PPFIA3: variants seen among roughly 807,000 people sequenced by gnomAD.
PPFIA3 encodes the protein PPFI scaffold protein A3, also known as liprin-alpha-3.
In PPFIA3, 26 loss-of-function variants were observed where a neutral mutation model predicts 145.8. That is an observed-to-expected ratio of 0.18 (90% CI 0.13 to 0.25). The LOEUF (loss-of-function observed/expected upper bound fraction) is 0.25. Ranked by LOEUF, PPFIA3 falls within the 10% of genes least tolerant of loss-of-function variation. The pLI, the probability that PPFIA3 is intolerant of heterozygous loss-of-function variation, is 1.00. For synonymous variants in PPFIA3, 645 were observed against 661.4 expected (o/e 0.98, Z 0.38); for missense variants, 1,008 against 1,587.8 (o/e 0.63, Z 6.21).
chr19:49,150,221 C>A lies in PPFIA3; in HGVS notation c.*14-15C>A. 1 of 1,363,368 alleles carries A rather than the reference C, an allele frequency of 7.3e-7. No homozygotes were observed. Among genetic ancestry groups the A allele is most frequent in the Non-Finnish European group, 1.0e-6 (1 of 988,246 alleles). 84.5% of individuals were successfully genotyped at this position (1,363,368 alleles called of 1,614,324 possible). A position where few individuals can be genotyped will look rare whatever the true frequency, so the allele number is the denominator to read the frequency against. On this transcript the variant is annotated splice_polypyrimidine_tract_variant and intron_variant, in intron 29 of 29. Coordinates refer to ENST00000334186, the MANE Select transcript of PPFIA3 (RefSeq NM_003660.4). ...TGGATCTTCACTGCTCCACGCGCTG[C>A]CCGGCGTCATGCAGGTGACCTCACT... is the stretch of plus-strand genomic sequence containing the variant.
intron 21 of PPFIA3, among the ~76,000 whole-genome samples, chr19:49,144,081 C>T (rs1047087709): frequency 2.6e-5 from 4 of 151,928 alleles, no homozygotes; most frequent in African/African-American, 9.7e-5. Flanking sequence ...CCTCGACTCA[C>T]TGCAACCTCT....
At chr19:49,139,182 G>C in intron 16 of PPFIA3, among the ~76,000 whole-genome samples, 1 of 152,106 alleles carries the variant, frequency 6.6e-6, no homozygotes, top group African/African-American at 2.4e-5. Flanking sequence ...AAAATTATCC[G>C]TGTATGGTGG....
intron 19 of PPFIA3, 99 bp downstream of exon 19, chr19:49,141,612 G>T: frequency 1.1e-6 from 1 of 933,110 alleles, no homozygotes; most frequent in Non-Finnish European, 1.6e-6. Context: ...GTGTGTGTGT[G>T]TGTGAGAGGG....
At chr19:49,143,707 C>G (rs1029760373) in intron 21 of PPFIA3, among the ~76,000 whole-genome samples, 1 of 152,164 alleles carries the variant, frequency 6.6e-6, no homozygotes, top group Non-Finnish European at 1.5e-5. Flanking sequence ...ACATTTCAAA[C>G]ATACAGAAAA....
chr19:49,143,562 A>G (rs1400549789), intron 21 of PPFIA3, among the ~76,000 whole-genome samples: 1 of 151,978 alleles, frequency 6.6e-6, no homozygotes, highest in Non-Finnish European at 1.5e-5. Context: ...TAGTAGAGAC[A>G]GGGTTTTGAC....
In PPFIA3 at chr19:49,127,318, G is replaced by A. The variant is rs920474013; in HGVS notation, c.-15-541G>A. On this transcript the variant is annotated intron_variant, in intron 1 of 29. Transcript: ENST00000334186. ...AATTGCTTGAACCGGGACCCGGGAGGTGGAGGCTGCAGTGAGCCGAGATCG... is the reference window on the plus strand; with the variant it reads ...AATTGCTTGAACCGGGACCCGGGAGATGGAGGCTGCAGTGAGCCGAGATCG... Among the ~76,000 whole-genome samples, 13 of 148,146 alleles carry A rather than the reference G, an allele frequency of 8.8e-5. 1 individual carries two copies. The East Asian group carries it at 1.8e-3, about 20-fold the overall frequency.
In PPFIA3 at chr19:49,120,167, G is replaced by A. The variant is rs934368979; in HGVS notation, c.-16+445G>A. Among the ~76,000 whole-genome samples, 1 of 152,032 alleles carries A rather than the reference G, an allele frequency of 6.6e-6. No homozygotes were observed. The highest frequency in any genetic ancestry group is 2.1e-4 in the South Asian group (1 of 4,818). Reference sequence around the variant, plus strand: ...CACGGTCCAGGCAGGCTCGGCGGCCGCCCTGGACACAGGCCCGCTCTGGAG... The same window carrying A: ...CACGGTCCAGGCAGGCTCGGCGGCCACCCTGGACACAGGCCCGCTCTGGAG... On this transcript the variant is annotated intron_variant, in intron 1 of 29. Transcript: ENST00000334186. The surrounding 1 kb of genome is among the most constrained non-coding windows in gnomAD (Gnocchi z 4.6).
At chr19:49,150,029 G>C (rs774456182) in intron 28 of PPFIA3, 51 bp from the exon 29 acceptor site, 3 of 1,564,812 alleles carry the variant, frequency 1.9e-6, no homozygotes, top group Middle Eastern at 1.7e-4. Context: ...TCCTGGAGAG[G>C]AACAGGGAGG....
intron 21 of PPFIA3, among the ~76,000 whole-genome samples, 192 bp downstream of exon 21, chr19:49,143,196 C>G (rs1475577276): frequency 6.6e-6 from 1 of 152,142 alleles, no homozygotes; most frequent in Non-Finnish European, 1.5e-5. Flanking sequence ...CAGGAGGGGC[C>G]CAGGCCACCT....
chr19:49,120,713 C>T lies in PPFIA3; in HGVS notation c.-16+991C>T, dbSNP rs1014267643. Among the ~76,000 whole-genome samples, 2 of 152,310 alleles carry T rather than the reference C, an allele frequency of 1.3e-5. No individual in the cohort carries two copies. The highest frequency in any genetic ancestry group is 1.3e-4 in the Admixed American group (2 of 15,296). ...GGGACCCGGAATGTGATTCTCAATG[C>T]AGTTCTCTGACTTCTGTTCACACTC... On this transcript the variant is annotated intron_variant, in intron 1 of 29. Transcript: ENST00000334186. This position sits in a 1 kb window ranked among gnomAD's most constrained non-coding sequence, Gnocchi z 4.6.
chr19:49,142,144 T>C, intron 20 of PPFIA3, 29 bp downstream of exon 20: 1 of 1,547,980 alleles, frequency 6.5e-7, no homozygotes, highest in Non-Finnish European at 8.8e-7. Flanking sequence ...GCCCTGACTG[T>C]TGGTCCCCAA....
chr19:49,133,900 A>G lies in PPFIA3; in HGVS notation c.1245+21A>G, dbSNP rs1347701511. 1.2e-6 allele frequency: 2 copies of G among 1,612,314 alleles called. No individual in the cohort carries two copies. Among genetic ancestry groups the G allele is most frequent in the Admixed American group, 1.7e-5 (1 of 59,978 alleles). Reference sequence around the variant, plus strand: ...AGCGGGTGAGGGGGCGGAAGACTGCACAGAGGGTGGGGCTTCGAGGCTGGG... The same window carrying G: ...AGCGGGTGAGGGGGCGGAAGACTGCGCAGAGGGTGGGGCTTCGAGGCTGGG... On this transcript the variant is annotated intron_variant, in intron 10 of 29. Coordinates refer to ENST00000334186, the MANE Select transcript of PPFIA3 (RefSeq NM_003660.4). This position sits in a 1 kb window ranked among gnomAD's most constrained non-coding sequence, Gnocchi z 7.2.
At chr19:49,142,475 TG>T (rs2041234559) in intron 20 of PPFIA3, among the ~76,000 whole-genome samples, 1 of 151,986 alleles carries the variant, frequency 6.6e-6, no homozygotes, top group East Asian at 1.9e-4. Flanking sequence ...GCCCTGCCGA[TG>T]TCTCCCTGTC....
At chr19:49,122,008 C>T (rs1258098885) in intron 1 of PPFIA3, among the ~76,000 whole-genome samples, 4 of 151,848 alleles carry the variant, frequency 2.6e-5, no homozygotes, top group Non-Finnish European at 5.9e-5. Flanking sequence ...CACCAGAACA[C>T]TCCCAGCTGA....
intron 7 of PPFIA3, 128 bp from the exon 8 acceptor site, chr19:49,132,861 AGTCCTGGGAGCT>A: frequency 5.7e-6 from 6 of 1,060,232 alleles, no homozygotes; most frequent in Non-Finnish European, 8.1e-6. Flanking sequence ...AAGATGGGCT[AGTCCTGGGAGCT>A]CTTAGCGGGT....
intron 5 of PPFIA3, among the ~76,000 whole-genome samples, 174 bp downstream of exon 5, chr19:49,129,628 C>G (rs935182081): frequency 3.9e-5 from 6 of 152,082 alleles, no homozygotes; most frequent in Non-Finnish European, 8.8e-5. Context: ...TAAGTGGGCA[C>G]GCATTGCGCA....
Position 49,138,382 on chromosome 19 carries a change from C to T in PPFIA3, c.2031C>T (p.Pro677=). 1 of 1,594,492 alleles carries T rather than the reference C, an allele frequency of 6.3e-7. No individual in the cohort carries two copies. ...PSPPSSGHST[P]RLAPPSPARE... ...CTCCCAGCTCTGGCCACTCAACACC[C>T]CGCCTGGCACCCCCTAGCCCTGCCC... The change falls in exon 16 of 30, where the codon CCC becomes CCT. Residue 677 remains proline (P), a synonymous_variant. Transcript: ENST00000334186.
At position 49,149,526 on chromosome 19, in the gene PPFIA3, C is replaced by T; in HGVS notation, c.3355-21C>T. On this transcript the variant is annotated intron_variant, in intron 27 of 29. Coordinates refer to ENST00000334186, the MANE Select transcript of PPFIA3 (RefSeq NM_003660.4). The surrounding 1 kb of genome is among the most constrained non-coding windows in gnomAD (Gnocchi z 5.7). ...AGACAAGGCAGGAGTCCCTCACCGG[C>T]TGTCCGGCTCCTATACCTAGGACAG... 2 of 1,613,656 alleles carry T rather than the reference C, an allele frequency of 1.2e-6. No individual in the cohort carries two copies. Among genetic ancestry groups the T allele is most frequent in the South Asian group, 1.1e-5 (1 of 90,988 alleles).
chr19:49,132,779 C>T lies in PPFIA3; in HGVS notation c.880-222C>T, dbSNP rs540160944. 7.9e-5 allele frequency among the ~76,000 whole-genome samples: 12 copies of T among 152,252 alleles called. No homozygotes were observed. The South Asian group carries it at 1.7e-3, about 21-fold the overall frequency. ...ATCCTCTGAACCTGGAGGATCTGAGCCTGCAGTGTCCTAGAAGCTCATGGG... is the reference window on the plus strand; with the variant it reads ...ATCCTCTGAACCTGGAGGATCTGAGTCTGCAGTGTCCTAGAAGCTCATGGG... On this transcript the variant is annotated intron_variant, in intron 7 of 29. Coordinates refer to ENST00000334186, the MANE Select transcript of PPFIA3 (RefSeq NM_003660.4).
Sources: gnomAD v4.1 joint callset for allele counts (sites outside exome capture counted in the v4.1 genomes callset) on GRCh38, gnomAD v4.1.1 for gene constraint, Gnocchi (gnomAD v3.1) non-coding constraint, MANE v1.5 for transcripts, NCBI Gene and HGNC (gene_info 2026-07-23, HGNC 2026-07-21) for gene names.